MTHFD2L: variants seen among roughly 807,000 people sequenced by gnomAD.
MTHFD2L encodes the protein methylenetetrahydrofolate dehydrogenase (NADP+ dependent) 2 like.
Under a neutral mutation model 34.9 loss-of-function variants are expected in MTHFD2L, and 29 were observed. The observed-to-expected ratio is 0.83, with a 90% CI of 0.62 to 1.13. MTHFD2L has a LOEUF of 1.13. Ranked by LOEUF, MTHFD2L falls within the 50% of genes most tolerant of loss-of-function variation. The pLI, the probability that MTHFD2L is intolerant of heterozygous loss-of-function variation, is 0.00. For synonymous variants in MTHFD2L, 167 were observed against 155.7 expected (o/e 1.07, Z -0.54); for missense variants, 481 against 446.5 (o/e 1.08, Z -0.70).
chr4:74,213,148 C>A (rs1736633546), intron 5 of MTHFD2L, among the ~76,000 whole-genome samples: 1 of 152,042 alleles, frequency 6.6e-6, no homozygotes, highest in African/African-American at 2.4e-5. Flanking sequence ...GACTCTTTAT[C>A]CAATTTGCCA....
chr4:74,259,576 C>T (rs1371941948), intron 6 of MTHFD2L, among the ~76,000 whole-genome samples: 2 of 152,126 alleles, frequency 1.3e-5, no homozygotes, highest in African/African-American at 4.8e-5. Context: ...AACAGAGAGC[C>T]CCATAGTTCT....
chr4:74,171,449 G>A (rs536233), intron 1 of MTHFD2L, among the ~76,000 whole-genome samples: 150,919 of 152,326 alleles, frequency 0.99, 74,778 homozygotes, highest in Middle Eastern at 1. Context: ...AGTTTTTAAC[G>A]TATTTAAACA....
chr4:74,186,434 C>A, intron 3 of MTHFD2L, among the ~76,000 whole-genome samples: 1 of 32,308 alleles, frequency 3.1e-5, no homozygotes. Flanking sequence ...TCAAGGGAAT[C>A]CATGAAAAAA....
intron 6 of MTHFD2L, among the ~76,000 whole-genome samples, chr4:74,240,117 C>G (rs1478067729): frequency 6.6e-6 from 1 of 152,170 alleles, no homozygotes; most frequent in Admixed American, 6.5e-5. Context: ...GGTTCCCCCT[C>G]CTCTACTTAA....
chr4:74,260,659 AGAAG>A (rs1744562048), intron 6 of MTHFD2L, among the ~76,000 whole-genome samples: 1 of 152,118 alleles, frequency 6.6e-6, no homozygotes, highest in African/African-American at 2.4e-5. Context: ...TGAGAAGTGA[AGAAG>A]GAGGAGGAGG....
At chr4:74,161,681 TGTTA>T (rs747253453) in intron 1 of MTHFD2L, 1 of 152,222 alleles carries the variant, frequency 6.6e-6, no homozygotes, top group Admixed American at 6.5e-5. Context: ...TTTTAGATCT[TGTTA>T]GTTAATCATG....
chr4:74,182,404 G>A (rs1323815949), intron 3 of MTHFD2L, among the ~76,000 whole-genome samples: 2 of 152,054 alleles, frequency 1.3e-5, no homozygotes, highest in African/African-American at 4.8e-5. Context: ...CCGCACCCAT[G>A]AAAGTTTTCT....
intron 6 of MTHFD2L, among the ~76,000 whole-genome samples, chr4:74,269,561 TAATA>T (rs899814711): frequency 1.3e-5 from 2 of 151,924 alleles, no homozygotes; most frequent in South Asian, 2.1e-4. Context: ...TTATATATAA[TAATA>T]AATAATGTAT....
intron 2 of MTHFD2L, among the ~76,000 whole-genome samples, chr4:74,116,524 C>T (rs772939308): frequency 1.3e-5 from 2 of 152,294 alleles, no homozygotes; most frequent in East Asian, 1.9e-4. Context: ...CACATGAGCA[C>T]ATTCCTAGGC....
At chr4:74,170,598 C>T (rs976916863) in intron 1 of MTHFD2L, among the ~76,000 whole-genome samples, 1 of 151,900 alleles carries the variant, frequency 6.6e-6, no homozygotes. Flanking sequence ...AATTGGAGTA[C>T]ATTAAAATTA....
At chr4:74,261,558 A>G (rs913205579) in intron 6 of MTHFD2L, among the ~76,000 whole-genome samples, 3 of 152,122 alleles carry the variant, frequency 2.0e-5, no homozygotes, top group African/African-American at 4.8e-5. Flanking sequence ...AAAGCAATAA[A>G]TTCCATACCA....
At chr4:74,168,880 C>A (rs937121650) in intron 1 of MTHFD2L, among the ~76,000 whole-genome samples, 2 of 152,158 alleles carry the variant, frequency 1.3e-5, no homozygotes, top group African/African-American at 4.8e-5. Context: ...CAAGAATTTT[C>A]ATGTTGAAAA....
intron 1 of MTHFD2L, among the ~76,000 whole-genome samples, chr4:74,144,795 T>C (rs1723490026): frequency 6.6e-6 from 1 of 152,194 alleles, no homozygotes; most frequent in Non-Finnish European, 1.5e-5. Flanking sequence ...TACAAGTTCA[T>C]TAATCTTTAT....
intron 5 of MTHFD2L, among the ~76,000 whole-genome samples, chr4:74,219,133 A>C (rs919454755): frequency 6.6e-6 from 1 of 152,152 alleles, no homozygotes; most frequent in Admixed American, 6.6e-5. Flanking sequence ...ATATTATTTT[A>C]TATCAGAAAC....
At chr4:74,262,664 A>G (rs1744819843) in intron 6 of MTHFD2L, among the ~76,000 whole-genome samples, 1 of 151,988 alleles carries the variant, frequency 6.6e-6, no homozygotes. Flanking sequence ...AAATTAAAGC[A>G]AAACAAGACA....
At chr4:74,128,993 C>T (rs1322226308) in intron 1 of MTHFD2L, among the ~76,000 whole-genome samples, 1 of 151,952 alleles carries the variant, frequency 6.6e-6, no homozygotes, top group African/African-American at 2.4e-5. Context: ...TACCATCTTC[C>T]TTAGTGGTTA....
chr4:74,226,566 A>G (rs1285388161), intron 6 of MTHFD2L, among the ~76,000 whole-genome samples: 1 of 152,172 alleles, frequency 6.6e-6, no homozygotes, highest in Non-Finnish European at 1.5e-5. Flanking sequence ...TAGAACATAG[A>G]AAAGGCTGGA....
chr4:74,181,199 T>C (rs1730097463), intron 3 of MTHFD2L, among the ~76,000 whole-genome samples: 1 of 152,156 alleles, frequency 6.6e-6, no homozygotes, highest in African/African-American at 2.4e-5. Flanking sequence ...GTTTAAATTA[T>C]ATGAACTGTG....
intron 1 of MTHFD2L, among the ~76,000 whole-genome samples, chr4:74,134,022 G>C (rs1456674725): frequency 2.0e-5 from 3 of 152,118 alleles, no homozygotes; most frequent in African/African-American, 7.2e-5. Context: ...ATTACACCAG[G>C]CATCAGCAGT....
Sources: allele counts gnomAD v4.1 joint callset (sites outside exome capture counted in the v4.1 genomes callset), GRCh38; gene constraint gnomAD v4.1.1; transcripts MANE v1.5; gene names NCBI Gene and HGNC (gene_info 2026-07-23, HGNC 2026-07-21).